Variants in ESRRB observed in about 807,000 individuals in gnomAD.
ESRRB encodes steroid hormone receptor ERR2.
In ESRRB, 16 loss-of-function variants were observed where a neutral mutation model predicts 46.0. The ratio of observed to expected loss-of-function variants is 0.35; its 90% CI spans 0.24 to 0.53. The LOEUF (loss-of-function observed/expected upper bound fraction) is 0.53. Ranked by LOEUF, ESRRB falls within the 20% of genes least tolerant of loss-of-function variation. ESRRB has a pLI of 0.93. For missense variants in ESRRB, 488 were observed against 607.4 expected (o/e 0.80, Z 2.07); for synonymous variants, 246 against 259.6 (o/e 0.95, Z 0.50).
At chr14:76,417,177 G>A (rs1886743015) in intron 1 of ESRRB, among the ~76,000 whole-genome samples, 4 of 152,248 alleles carry the variant, frequency 2.6e-5, no homozygotes, top group Middle Eastern at 3.4e-3. Flanking sequence ...GTAGAGTATC[G>A]ATAGGGGTCA....
At chr14:76,375,827 C>T (rs1476268196), upstream of ESRRB, among the ~76,000 whole-genome samples, 1 of 152,170 alleles carries the variant, frequency 6.6e-6, no homozygotes, top group Non-Finnish European at 1.5e-5. Context: ...ATAGGGGTGG[C>T]CCGGGGGGTA....
At chr14:76,428,855 A>G (rs894398769) in intron 1 of ESRRB, among the ~76,000 whole-genome samples, 4 of 152,160 alleles carry the variant, frequency 2.6e-5, no homozygotes, top group Non-Finnish European at 4.4e-5. Flanking sequence ...TGAGATTTCA[A>G]TCAGTTGTCG....
At chr14:76,401,216 A>T (rs905676613) in intron 1 of ESRRB, among the ~76,000 whole-genome samples, 5 of 152,176 alleles carry the variant, frequency 3.3e-5, no homozygotes, top group African/African-American at 7.2e-5. Context: ...AGCCTTCCAA[A>T]TCCCCCACGC....
At chr14:76,410,540 G>T (rs1886390713) in intron 1 of ESRRB, among the ~76,000 whole-genome samples, 2 of 152,224 alleles carry the variant, frequency 1.3e-5, no homozygotes, top group African/African-American at 4.8e-5. Flanking sequence ...ACCTGCAGAG[G>T]AAACTTGGTG....
intron 1 of ESRRB, among the ~76,000 whole-genome samples, chr14:76,378,202 C>T (rs977192442): frequency 1.3e-5 from 2 of 152,088 alleles, no homozygotes; most frequent in African/African-American, 2.4e-5. Context: ...TGTATTTGTC[C>T]CTGGCTCAAG....
chr14:76,333,086 AT>A lies in ESRRB; in HGVS notation c.2+22171del, dbSNP rs1290105013. On this transcript the variant is annotated intron_variant, in intron 1 of 6. Coordinates refer to the ESRRB transcript ENST00000512784. Reference sequence around the variant, plus strand: ...ATATTATATATTATATATATTATTTATATTATATATTATATATAATATATAA... The same window carrying A: ...ATATTATATATTATATATATTATTTAATTATATATTATATATAATATATAA... Among the ~76,000 whole-genome samples the A allele has an allele frequency of 1.7e-3, 16 of 9,214 alleles. 4 individuals are homozygous for A. The highest frequency in any genetic ancestry group is 2.8e-3 in the Non-Finnish European group (16 of 5,622). The allele number at this position is 9,214 out of a possible 152,430, so 6.0% of individuals were successfully genotyped here.
rs113745682 is a variant in ESRRB at position 76,469,897 on chromosome 14, C to T, written c.577+7236C>T. Among the ~76,000 whole-genome samples the T allele has an allele frequency of 9.2e-3, 1,305 of 142,392 alleles. 15 individuals are homozygous for T. Among genetic ancestry groups the T allele is most frequent in the Non-Finnish European group, 0.012 (806 of 66,046 alleles). The allele number at this position is 142,392 out of a possible 152,430, so 93.4% of individuals were successfully genotyped here. ...CCAGAAATACACTTATAATATAGTA[C>T]ATTAGGTAAAGACTAGGCTGTGTTT... On this transcript the variant is annotated intron_variant, in intron 3 of 6. Coordinates refer to ENST00000644823, the MANE Select transcript of ESRRB (RefSeq NM_001379180.1).
intron 3 of ESRRB, among the ~76,000 whole-genome samples, chr14:76,475,744 G>A (rs1160375283): frequency 3.3e-5 from 5 of 152,186 alleles, no homozygotes; most frequent in African/African-American, 1.2e-4. Context: ...GTATACCTAA[G>A]AGTGGGATTG....
At chr14:76,414,937 A>G (rs1418099580) in intron 1 of ESRRB, among the ~76,000 whole-genome samples, 1 of 152,154 alleles carries the variant, frequency 6.6e-6, no homozygotes, top group Non-Finnish European at 1.5e-5. Flanking sequence ...ATTGAAGTAA[A>G]TGAGCCTCTG....
At chr14:76,445,121 T>G (rs1029009851) in intron 2 of ESRRB, among the ~76,000 whole-genome samples, 1 of 149,804 alleles carries the variant, frequency 6.7e-6, no homozygotes, top group Non-Finnish European at 1.5e-5. Context: ...TGCAGTGAGC[T>G]ATGATCCTGC....
At chr14:76,365,480 AAAACAAAC>A (rs145410460) in intron 1 of ESRRB, among the ~76,000 whole-genome samples, 6,040 of 152,066 alleles carry the variant, frequency 0.04, 161 homozygotes, top group East Asian at 0.12. Context: ...TCCTGTCTCC[AAAACAAAC>A]AAACAAACAA....
intron 1 of ESRRB, among the ~76,000 whole-genome samples, chr14:76,379,369 A>T (rs1165741720): frequency 6.6e-6 from 1 of 150,436 alleles, no homozygotes; most frequent in Non-Finnish European, 1.5e-5. Context: ...CCGTCCGATG[A>T]CCACTTTGCT....
intron 3 of ESRRB, chr14:76,463,197 T>A (rs1449907634): frequency 9.4e-6 from 2 of 212,264 alleles, no homozygotes; most frequent in South Asian, 1.8e-4. Flanking sequence ...TCTCCCTGCG[T>A]CCTCTGTCTC....
intron 6 of ESRRB, among the ~76,000 whole-genome samples, chr14:76,492,855 T>A (rs551155879): frequency 1.3e-5 from 2 of 152,334 alleles, no homozygotes; most frequent in Admixed American, 1.3e-4. Flanking sequence ...TGAACTTGAA[T>A]GTAACCAACA....
intron 3 of ESRRB, among the ~76,000 whole-genome samples, chr14:76,474,564 T>C (rs1023868264): frequency 1.3e-5 from 2 of 152,192 alleles, no homozygotes; most frequent in African/African-American, 4.8e-5. Context: ...TCACCGGCCA[T>C]GTACTGTGGC....
rs1887013447 is a variant in ESRRB, at chr14:76,422,534, T to G, written c.51-16807T>G. 2.0e-5 allele frequency among the ~76,000 whole-genome samples: 3 copies of G among 152,120 alleles called. No individual in the cohort carries two copies. In the South Asian group the frequency reaches 6.2e-4, roughly 32 times the overall value. On this transcript the variant is annotated intron_variant, in intron 1 of 6. Transcript: ENST00000644823. ...CCGACATTTCCTTCTTATACTCAGT[T>G]TACAGAGGAGATGACTGAGAACTAT...
At position 76,393,062 on chromosome 14, in the gene ESRRB, G is replaced by C. The variant is rs77293649; in HGVS notation, c.50+16611G>C. ...AAAGCCTTTGGGGCATAGCGGATCT[G>C]GGGCATAGCAGAGAAGGAGGCCTGC... On this transcript the variant is annotated intron_variant, in intron 1 of 6. Coordinates refer to ENST00000644823, the MANE Select transcript of ESRRB (RefSeq NM_001379180.1). Among the ~76,000 whole-genome samples, 270 of 152,332 alleles carry C rather than the reference G, an allele frequency of 1.8e-3. 4 individuals are homozygous for C. The East Asian group carries it at 0.041, about 23-fold the overall frequency.
chr14:76,431,911 G>A (rs1226460657), intron 1 of ESRRB, among the ~76,000 whole-genome samples: 2 of 152,192 alleles, frequency 1.3e-5, no homozygotes, highest in East Asian at 1.9e-4. Flanking sequence ...CCTAGACACC[G>A]GCTTGGCCAC....
At chr14:76,429,538 G>A (rs1173701570) in intron 1 of ESRRB, among the ~76,000 whole-genome samples, 1 of 152,106 alleles carries the variant, frequency 6.6e-6, no homozygotes, top group Non-Finnish European at 1.5e-5. Flanking sequence ...ATCACCTGAG[G>A]TTGGGAGTTC....
Sources: gnomAD v4.1 joint callset for allele counts (sites outside exome capture counted in the v4.1 genomes callset) on GRCh38, gnomAD v4.1.1 for gene constraint, MANE v1.5 for transcripts, NCBI Gene and HGNC (gene_info 2026-07-23, HGNC 2026-07-21) for gene names.